PPP1R36: variants seen among roughly 807,000 people sequenced by gnomAD.
The protein encoded by PPP1R36 is protein phosphatase 1 regulatory subunit 36, also known as chromosome 14 open reading frame 50.
In PPP1R36, 47 loss-of-function variants were observed where a neutral mutation model predicts 53.4. The observed-to-expected ratio is 0.88, with a 90% CI of 0.70 to 1.12. The LOEUF is 1.12. Ranked by LOEUF, PPP1R36 falls within the 50% of genes most tolerant of loss-of-function variation. PPP1R36 has a pLI of 0.00. For missense variants in PPP1R36, 456 were observed against 513.9 expected (o/e 0.89, Z 1.09); for synonymous variants, 153 against 170.5 (o/e 0.90, Z 0.80).
At position 64,587,305 on chromosome 14, in the gene PPP1R36, C is replaced by G. The variant is rs751148426; in HGVS notation, c.823C>G (p.Pro275Ala). 1.9e-6 allele frequency: 3 copies of G among 1,613,932 alleles called. No homozygotes were observed. In the South Asian group the frequency reaches 3.3e-5, roughly 18 times the overall value. Residue 275 changes from proline (P) to alanine (A), a missense_variant, in exon 10 of 12, where the codon CCT (proline) becomes GCT (alanine). Physicochemically the swap from Pro to Ala is conservative, Grantham distance 27. Coordinates refer to ENST00000298705, the MANE Select transcript of PPP1R36 (RefSeq NM_172365.3). ...CTTTCGTACCAATATGTTCAACATTCCTCGCAGGAGGCGTGAAGATGAGGA... is the reference window on the plus strand; with the variant it reads ...CTTTCGTACCAATATGTTCAACATTGCTCGCAGGAGGCGTGAAGATGAGGA... ...RLFRTNMFNI[P>A]RRRREDEESG...
At chr14:64,572,476 TG>T (rs1310804444) in intron 7 of PPP1R36, among the ~76,000 whole-genome samples, 9 of 152,242 alleles carry the variant, frequency 5.9e-5, no homozygotes, top group Admixed American at 4.6e-4. Flanking sequence ...CCTGGAGTTT[TG>T]TATATAGGTT....
chr14:64,558,589 T>C lies in PPP1R36; in HGVS notation c.182+5728T>C, dbSNP rs140122433. Among the ~76,000 whole-genome samples the C allele has an allele frequency of 3.4e-3, 516 of 151,236 alleles. 1 individual carries two copies. The highest frequency in any genetic ancestry group is 0.012 in the African/African-American group (495 of 41,288). On this transcript the variant is annotated intron_variant, in intron 3 of 11. Coordinates refer to ENST00000298705, the MANE Select transcript of PPP1R36 (RefSeq NM_172365.3). The stretch of plus-strand genomic sequence containing the variant: ...GTGAGACCCTGCCTCAAAAAACAAA[T>C]AAACAAAACCCCCAAAATAGAGTAC...
rs2080328847 is a variant in PPP1R36, at chr14:64,574,594, G to A, written c.668+5G>A. 1.2e-6 allele frequency: 2 copies of A among 1,608,638 alleles called. No individual in the cohort carries two copies. The highest frequency in any genetic ancestry group is 8.5e-7 in the Non-Finnish European group (1 of 1,178,326). On this transcript the variant is annotated splice_donor_5th_base_variant and intron_variant, in intron 8 of 11. Coordinates refer to ENST00000298705, the MANE Select transcript of PPP1R36 (RefSeq NM_172365.3). ...GCATCACATGTGCTGTGGAAAGTAA[G>A]CAGATACTTACACTTCATTAGATCA...
In PPP1R36 at chr14:64,588,216, A is replaced by C. The variant is rs1257117459; in HGVS notation, c.1003A>C (p.Lys335Gln). The change falls in exon 11 of 12, where the codon AAG becomes CAG. Residue 335 changes from lysine (K) to glutamine (Q), a missense_variant. Coordinates refer to ENST00000298705, the MANE Select transcript of PPP1R36 (RefSeq NM_172365.3). ...REKAQNVFEK[K>Q]YHQVDVRFPA... ...AAAAGCTCAAAACGTCTTTGAGAAAAAGTATCATCAAGTAGACGTCAGATT... is the reference window on the plus strand; with the variant it reads ...AAAAGCTCAAAACGTCTTTGAGAAACAGTATCATCAAGTAGACGTCAGATT... 12 of 1,614,020 alleles carry C rather than the reference A, an allele frequency of 7.4e-6. No individual in the cohort carries two copies. In the Admixed American group the frequency reaches 1.8e-4, roughly 25 times the overall value.
chr14:64,583,725 A>C (rs1312496032), intron 8 of PPP1R36, among the ~76,000 whole-genome samples: 2 of 148,278 alleles, frequency 1.3e-5, no homozygotes, highest in Non-Finnish European at 3.0e-5. Flanking sequence ...GAGGCAGGAG[A>C]ATCGTTTGAA....
At position 64,589,352 on chromosome 14, in the gene PPP1R36, A is replaced by G. The variant is rs2080466429; in HGVS notation, c.*14A>G. The G allele has an allele frequency of 1.3e-6, 2 of 1,559,830 alleles. No homozygotes were observed. Among genetic ancestry groups the G allele is most frequent in the Non-Finnish European group, 8.7e-7 (1 of 1,145,198 alleles). ...TGCCCTAAGTAACCTGGTACATTCC[A>G]TATCTCAAGTAAACTACTTTGACTT... On this transcript the variant is annotated 3_prime_UTR_variant, in exon 12 of 12. Transcript: ENST00000298705.
intron 8 of PPP1R36, among the ~76,000 whole-genome samples, chr14:64,584,191 T>C (rs955719707): frequency 1.3e-5 from 2 of 152,148 alleles, no homozygotes; most frequent in Non-Finnish European, 1.5e-5. Flanking sequence ...CGTGAGCCAC[T>C]GTGCCCAGCC....
chr14:64,553,504 G>T (rs899477302), intron 3 of PPP1R36, among the ~76,000 whole-genome samples: 3 of 151,998 alleles, frequency 2.0e-5, no homozygotes, highest in Non-Finnish European at 4.4e-5. Flanking sequence ...TAAAATGTAG[G>T]TTATATGACA....
At chr14:64,585,865 C>G (rs185497886) in intron 8 of PPP1R36, among the ~76,000 whole-genome samples, 1 of 152,294 alleles carries the variant, frequency 6.6e-6, no homozygotes, top group East Asian at 1.9e-4. Context: ...GCCTGGTTTC[C>G]TAGGCTGGGA....
intron 8 of PPP1R36, among the ~76,000 whole-genome samples, chr14:64,577,543 G>A (rs985164000): frequency 3.9e-5 from 6 of 151,972 alleles, no homozygotes; most frequent in African/African-American, 1.5e-4. Flanking sequence ...GACATGCATT[G>A]AGGTGTGACG....
At chr14:64,550,510 G>A (rs933803760) in intron 1 of PPP1R36, among the ~76,000 whole-genome samples, 1 of 152,200 alleles carries the variant, frequency 6.6e-6, no homozygotes, top group Non-Finnish European at 1.5e-5. Context: ...AGGCTGTCCT[G>A]GGTATCAGTT....
intron 8 of PPP1R36, among the ~76,000 whole-genome samples, chr14:64,583,661 A>G (rs1323381697): frequency 6.6e-6 from 1 of 151,856 alleles, no homozygotes; most frequent in Non-Finnish European, 1.5e-5. Flanking sequence ...CTAAAAATAC[A>G]AAATTAGCCA....
chr14:64,575,654 GTTTTTTT>G (rs66467437), intron 8 of PPP1R36, among the ~76,000 whole-genome samples: 1 of 143,164 alleles, frequency 7.0e-6, no homozygotes, highest in East Asian at 2.0e-4. Context: ...ACATTTTGGG[GTTTTTTT>G]TTTTTTTGAG....
intron 8 of PPP1R36, among the ~76,000 whole-genome samples, chr14:64,578,986 C>A (rs1335328312): frequency 6.6e-6 from 1 of 152,176 alleles, no homozygotes; most frequent in African/African-American, 2.4e-5. Context: ...AGGCTATTAT[C>A]CTTAGCAAAC....
chr14:64,568,237 A>T, intron 6 of PPP1R36, 112 bp from the exon 7 acceptor site: 1 of 420,406 alleles, frequency 2.4e-6, no homozygotes. Context: ...GCATGATAAC[A>T]TAGTTTTCTA....
chr14:64,574,370 A>C, intron 7 of PPP1R36, 85 bp from the exon 8 acceptor site: 1 of 1,358,930 alleles, frequency 7.4e-7, no homozygotes, highest in Admixed American at 2.2e-5. Flanking sequence ...AAAGAAGAAA[A>C]GTTTATAATT....
At position 64,589,331 on chromosome 14, in the gene PPP1R36, C is replaced by T. The variant is rs1458014690; in HGVS notation, c.1262C>T (p.Pro421Leu). 3 of 1,606,958 alleles carry T rather than the reference C, an allele frequency of 1.9e-6. No homozygotes were observed. The African/African-American group carries it at 4.0e-5, about 22-fold the overall frequency. ...ACACTGTCCTCTCATACATCATGCCCTAAGTAACCTGGTACATTCCATATC... is the reference window on the plus strand; with the variant it reads ...ACACTGTCCTCTCATACATCATGCCTTAAGTAACCTGGTACATTCCATATC... ...MKTLSSHTSC[P>L]K is the part of the protein sequence containing the mutation. The change falls in exon 12 of 12, where the codon CCT (proline) becomes CTT (leucine). Residue 421 changes from proline to leucine, a missense_variant. Transcript: ENST00000298705.
At chr14:64,551,117 A>G in intron 2 of PPP1R36, 132 bp downstream of exon 2, 1 of 623,310 alleles carries the variant, frequency 1.6e-6, no homozygotes, top group Non-Finnish European at 2.8e-6. Context: ...CAATCATTTC[A>G]GTGAACAGCC....
At chr14:64,582,755 GA>G (rs1462495855) in intron 8 of PPP1R36, among the ~76,000 whole-genome samples, 2 of 152,014 alleles carry the variant, frequency 1.3e-5, no homozygotes, top group Non-Finnish European at 2.9e-5. Flanking sequence ...GTGGCTACTA[GA>G]AAATTTAAAA....
Sources: allele counts gnomAD v4.1 joint callset (sites outside exome capture counted in the v4.1 genomes callset), GRCh38; gene constraint gnomAD v4.1.1; transcripts MANE v1.5; gene names NCBI Gene and HGNC (gene_info 2026-07-23, HGNC 2026-07-21).